Variants in NTN1 observed in about 807,000 individuals in gnomAD.
NTN1 encodes netrin-1.
A neutral mutation model predicts 54.2 loss-of-function variants in NTN1; 11 were observed. That is an observed-to-expected ratio of 0.20 (90% CI 0.13 to 0.34). The LOEUF (loss-of-function observed/expected upper bound fraction) is 0.34. NTN1 is among the 10% of genes least tolerant of loss of function. The pLI, the probability that NTN1 is intolerant of heterozygous loss-of-function variation, is 1.00. For synonymous variants in NTN1, 371 were observed against 382.0 expected (o/e 0.97, Z 0.33); for missense variants, 740 against 893.1 (o/e 0.83, Z 2.18).
chr17:9,099,263 G>GCA (rs1156508264), intron 2 of NTN1, among the ~76,000 whole-genome samples: 1 of 152,194 alleles, frequency 6.6e-6, no homozygotes, highest in Admixed American at 6.5e-5. Context: ...AAGTTAGCTG[G>GCA]GTGTGGTGGT....
At chr17:9,238,774 T>C (rs968383495) in intron 6 of NTN1, among the ~76,000 whole-genome samples, 1 of 152,238 alleles carries the variant, frequency 6.6e-6, no homozygotes, top group Non-Finnish European at 1.5e-5. Flanking sequence ...CTTACTATCT[T>C]GCAGAAATGA....
At chr17:9,124,788 TG>T (rs1459649511) in intron 2 of NTN1, among the ~76,000 whole-genome samples, 2 of 152,174 alleles carry the variant, frequency 1.3e-5, no homozygotes, top group African/African-American at 4.8e-5. Context: ...CCCAAAACCC[TG>T]GGACATGACG....
intron 2 of NTN1, among the ~76,000 whole-genome samples, chr17:9,076,565 G>A (rs2092050684): frequency 6.6e-6 from 1 of 151,952 alleles, no homozygotes; most frequent in African/African-American, 2.4e-5. Context: ...TGTGGAGATA[G>A]GGGTCTCTCT....
At chr17:9,010,164 C>T in the NTN1 span, among the ~76,000 whole-genome samples, 2 of 152,230 alleles carry the variant, frequency 1.3e-5, no homozygotes, top group Non-Finnish European at 2.9e-5. Context: ...TAAGCTGTGG[C>T]TCTCCAGTCC....
Position 9,227,104 on chromosome 17 carries a change from ACCT to A in NTN1, c.1486+5869_1486+5871del, listed in dbSNP as rs199939600. Among the ~76,000 whole-genome samples, 690 of 150,836 alleles carry A rather than the reference ACCT, an allele frequency of 4.6e-3. 6 individuals are homozygous for A. Among genetic ancestry groups the A allele is most frequent in the African/African-American group, 0.016 (656 of 40,956 alleles). On this transcript the variant is annotated intron_variant, in intron 6 of 6. Transcript: ENST00000173229. The stretch of plus-strand genomic sequence containing the variant: ...GAAGAAGCTCCACTGTTCCATCCTC[ACCT>A]CCTCCTGTCTGCGCTGCCTCCCACG...
intron 2 of NTN1, among the ~76,000 whole-genome samples, chr17:9,097,231 G>A (rs952098964): frequency 6.6e-6 from 1 of 152,208 alleles, no homozygotes; most frequent in African/African-American, 2.4e-5. Flanking sequence ...GCTGTAAGAT[G>A]TGTTTCCCTC....
intron 2 of NTN1, among the ~76,000 whole-genome samples, chr17:9,098,195 CAT>C (rs2092138355): frequency 2.0e-5 from 3 of 152,228 alleles, no homozygotes; most frequent in African/African-American, 7.2e-5. Context: ...CGTTCCCAGA[CAT>C]AAGGTTGATG....
chr17:9,111,893 G>T (rs1246795043), intron 2 of NTN1, among the ~76,000 whole-genome samples: 2 of 152,162 alleles, frequency 1.3e-5, no homozygotes, highest in East Asian at 1.9e-4. Context: ...ACTGTCTCAG[G>T]GGTGGCAGAG....
At chr17:9,061,273 G>A (rs1385875823) in intron 2 of NTN1, among the ~76,000 whole-genome samples, 1 of 152,116 alleles carries the variant, frequency 6.6e-6, no homozygotes, top group Non-Finnish European at 1.5e-5. Flanking sequence ...GGTGGCAGTT[G>A]AAAATAGAGT....
At chr17:9,195,129 G>A (rs930692514) in intron 5 of NTN1, among the ~76,000 whole-genome samples, 4 of 151,164 alleles carry the variant, frequency 2.6e-5, no homozygotes, top group African/African-American at 7.3e-5. Flanking sequence ...TCTCCTTTTC[G>A]GGACCTGCAC....
chr17:9,213,757 G>GTT (rs918108712), intron 5 of NTN1, among the ~76,000 whole-genome samples: 33 of 152,216 alleles, frequency 2.2e-4, no homozygotes, highest in African/African-American at 7.7e-4. Flanking sequence ...TCCTTTAAAT[G>GTT]TTTACATGGA....
At chr17:9,231,573 G>A (rs1905813973) in intron 6 of NTN1, among the ~76,000 whole-genome samples, 1 of 152,204 alleles carries the variant, frequency 6.6e-6, no homozygotes, top group Non-Finnish European at 1.5e-5. Flanking sequence ...AGGGTGCCCT[G>A]GGAGCGCCCT....
chr17:9,147,478 C>T (rs2092317081), intron 2 of NTN1, among the ~76,000 whole-genome samples: 1 of 152,148 alleles, frequency 6.6e-6, no homozygotes, highest in South Asian at 2.1e-4. Flanking sequence ...CGAGCCACTG[C>T]ACTCCAGCCT....
At chr17:9,044,234 CT>C (rs11327209) in intron 2 of NTN1, among the ~76,000 whole-genome samples, 136,462 of 149,194 alleles carry the variant, frequency 0.91, 62,522 homozygotes, top group East Asian at 1. Flanking sequence ...GTTTCCGGTA[CT>C]TTTTTTTTTT....
At chr17:9,062,877 G>GT (rs1439638739) in intron 2 of NTN1, among the ~76,000 whole-genome samples, 1 of 149,552 alleles carries the variant, frequency 6.7e-6, no homozygotes, top group East Asian at 1.9e-4. Flanking sequence ...TCGCCCTTAA[G>GT]TAAAAAAAAA....
At chr17:9,051,671 G>A (rs1597470370) in intron 2 of NTN1, among the ~76,000 whole-genome samples, 2 of 152,114 alleles carry the variant, frequency 1.3e-5, no homozygotes, top group South Asian at 2.1e-4. Flanking sequence ...ATCACCTCAC[G>A]TAATTATTTT....
chr17:9,061,699 A>ATTTTG (rs879370303), intron 2 of NTN1, among the ~76,000 whole-genome samples: 1 of 150,960 alleles, frequency 6.6e-6, no homozygotes, highest in Non-Finnish European at 1.5e-5. Context: ...TTTTTGTTTT[A>ATTTTG]TTTTGTTTTG....
chr17:9,107,242 C>T (rs890751434), intron 2 of NTN1, among the ~76,000 whole-genome samples: 3 of 152,212 alleles, frequency 2.0e-5, no homozygotes, highest in Non-Finnish European at 2.9e-5. Flanking sequence ...ATTTTGTAAT[C>T]CCAACACTAA....
chr17:9,062,861 C>T (rs538850145), intron 2 of NTN1, among the ~76,000 whole-genome samples: 65 of 151,624 alleles, frequency 4.3e-4, no homozygotes, highest in Non-Finnish European at 8.8e-4. Flanking sequence ...ACAGCATTTG[C>T]CAGCGTCGCC....
Sources: allele counts gnomAD v4.1 joint callset (sites outside exome capture counted in the v4.1 genomes callset), GRCh38; gene constraint gnomAD v4.1.1; transcripts MANE v1.5; gene names NCBI Gene and HGNC (gene_info 2026-07-23, HGNC 2026-07-21).